ANO3: variants seen among roughly 807,000 people sequenced by gnomAD.
ANO3 encodes the protein anoctamin 3.
In ANO3, 99 loss-of-function variants were observed where a neutral mutation model predicts 144.8. That is an observed-to-expected ratio of 0.68 (90% CI 0.58 to 0.81). The LOEUF (loss-of-function observed/expected upper bound fraction) is 0.81, where lower values mean the gene tolerates loss of function less well. Ranked by LOEUF, ANO3 falls within the 30% of genes least tolerant of loss-of-function variation. The pLI is 0.00. For synonymous variants in ANO3, 414 were observed against 392.6 expected (o/e 1.05, Z -0.64); for missense variants, 905 against 1,202.2 (o/e 0.75, Z 3.66).
At chr11:26,498,415 AT>A (rs1344550572) in intron 4 of ANO3, among the ~76,000 whole-genome samples, 1 of 151,626 alleles carries the variant, frequency 6.6e-6, no homozygotes, top group Non-Finnish European at 1.5e-5. Flanking sequence ...TATAAGTAAG[AT>A]TTTAACACTA....
In ANO3 at chr11:26,653,676, C is replaced by G. The variant is rs76420226; in HGVS notation, c.2577-2449C>G. ...CACCGCCCTCTCACAGTCCCCAGTA[C>G]GTGCCAAGGTCTCTGCTTTTTCTGC... On this transcript the variant is annotated intron_variant, in intron 24 of 26. Coordinates refer to ENST00000256737, the MANE Select transcript of ANO3 (RefSeq NM_031418.4). 2.6e-4 allele frequency among the ~76,000 whole-genome samples: 40 copies of G among 151,974 alleles called. 2 individuals are homozygous for G. The East Asian group carries it at 7.8e-3, about 30-fold the overall frequency.
chr11:26,364,373 T>A (rs545319341), intron 1 of ANO3, among the ~76,000 whole-genome samples: 4 of 152,320 alleles, frequency 2.6e-5, no homozygotes, highest in Non-Finnish European at 5.9e-5. Context: ...TTCTAAAATA[T>A]CATTTCCATT....
chr11:26,653,486 TA>T (rs1853594174), intron 24 of ANO3, among the ~76,000 whole-genome samples: 1 of 152,124 alleles, frequency 6.6e-6, no homozygotes, highest in Middle Eastern at 3.2e-3. Context: ...TGAATAATCT[TA>T]CTTAAAACTT....
intron 1 of ANO3, among the ~76,000 whole-genome samples, chr11:26,327,056 G>A (rs542084016): frequency 4.3e-4 from 66 of 152,242 alleles, no homozygotes; most frequent in Non-Finnish European, 6.5e-4. Context: ...AGACTTGTAC[G>A]TAAATTTCAA....
intron 3 of ANO3, among the ~76,000 whole-genome samples, chr11:26,458,059 G>C (rs1859235253): frequency 6.6e-6 from 1 of 152,032 alleles, no homozygotes; most frequent in Non-Finnish European, 1.5e-5. Flanking sequence ...TTAAAAATAG[G>C]AAATATAATA....
chr11:26,318,259 A>C (rs954848950), intron 1 of ANO3, among the ~76,000 whole-genome samples: 4 of 152,212 alleles, frequency 2.6e-5, no homozygotes, highest in African/African-American at 9.7e-5. Context: ...AAGTATAATT[A>C]AAAATGTATA....
intron 1 of ANO3, among the ~76,000 whole-genome samples, chr11:26,376,602 G>C (rs7128615): frequency 0.39 from 59,278 of 151,396 alleles, 12,011 homozygotes; most frequent in African/African-American, 0.5. Flanking sequence ...ACCCCTACCC[G>C]CTCCAAAAAT....
chr11:26,519,188 C>T lies in ANO3; in HGVS notation c.692+2261C>T, dbSNP rs142425087. On this transcript the variant is annotated intron_variant, in intron 6 of 26. Transcript: ENST00000256737. Reference sequence around the variant, plus strand: ...AGAGGAGGAAGCCCTTAGCAACTATCATAAGCATGTCATTTCAGTACATAT... The same window carrying T: ...AGAGGAGGAAGCCCTTAGCAACTATTATAAGCATGTCATTTCAGTACATAT... Among the ~76,000 whole-genome samples the T allele has an allele frequency of 1.8e-4, 27 of 152,240 alleles. No homozygotes were observed. The East Asian group carries it at 5.2e-3, about 29-fold the overall frequency.
chr11:26,654,653 G>A (rs961958064), intron 24 of ANO3, among the ~76,000 whole-genome samples: 10 of 151,998 alleles, frequency 6.6e-5, no homozygotes, highest in Admixed American at 2.0e-4. Context: ...CAAGGGAAAC[G>A]TTTGTCTTCT....
intron 1 of ANO3, among the ~76,000 whole-genome samples, chr11:26,209,236 C>G (rs1480127305): frequency 6.6e-6 from 1 of 152,160 alleles, no homozygotes; most frequent in Admixed American, 6.5e-5. Context: ...TCAGTGAGAA[C>G]ATGCAGAGTT....
rs530618696 is a variant in ANO3, at chr11:26,339,117, G to T, written c.46+6796G>T. ...AACGCTTAATGAGTGAAAGATCTAG[G>T]GTTTGAACGCAGCCCTCCCTGACTC... is the stretch of plus-strand genomic sequence containing the variant. On this transcript the variant is annotated intron_variant, in intron 1 of 26. Transcript: ENST00000256737. 6.6e-5 allele frequency among the ~76,000 whole-genome samples: 10 copies of T among 151,626 alleles called. No individual in the cohort carries two copies. The South Asian group carries it at 1.9e-3, about 29-fold the overall frequency.
At chr11:26,653,609 G>A (rs148385642) in intron 24 of ANO3, among the ~76,000 whole-genome samples, 2 of 151,972 alleles carry the variant, frequency 1.3e-5, no homozygotes, top group African/African-American at 4.8e-5. Flanking sequence ...CTCTGAGCTC[G>A]TTTTCCGGCA....
At position 26,442,031 on chromosome 11, in the gene ANO3, A is replaced by T. The variant is rs750849093; in HGVS notation, c.160A>T (p.Thr54Ser). Residue 54 changes from threonine (T) to serine (S), a missense_variant, in exon 2 of 27, where the codon ACT becomes TCT. Transcript: ENST00000256737. ...YAYSKSLSQS[T>S]SLFQSTESES... Reference sequence around the variant, plus strand: ...TTACTCAAAGAGCTTGAGCCAGTCTACTTCCCTCTTCCAGTCAACCGAGAG... The same window carrying T: ...TTACTCAAAGAGCTTGAGCCAGTCTTCTTCCCTCTTCCAGTCAACCGAGAG... 2 of 1,614,072 alleles carry T rather than the reference A, an allele frequency of 1.2e-6. No individual in the cohort carries two copies. The highest frequency in any genetic ancestry group is 1.7e-5 in the Admixed American group (1 of 59,992).
At chr11:26,380,696 C>T (rs569202665) in intron 1 of ANO3, among the ~76,000 whole-genome samples, 3 of 152,138 alleles carry the variant, frequency 2.0e-5, no homozygotes, top group Admixed American at 2.0e-4. Context: ...CATAGCAGCA[C>T]ATATTTAATA....
chr11:26,433,315 G>A (rs1057011104), intron 1 of ANO3, among the ~76,000 whole-genome samples: 7 of 152,186 alleles, frequency 4.6e-5, no homozygotes, highest in African/African-American at 9.6e-5. Context: ...AGTTTTCTAC[G>A]TATACAATCA....
At chr11:26,294,834 G>A (rs1045480431) in intron 1 of ANO3, among the ~76,000 whole-genome samples, 2 of 152,166 alleles carry the variant, frequency 1.3e-5, no homozygotes, top group Admixed American at 1.3e-4. Flanking sequence ...GAATGTAGAT[G>A]TCACCAAGTG....
At chr11:26,414,183 G>A (rs1049054502) in intron 1 of ANO3, among the ~76,000 whole-genome samples, 2 of 152,016 alleles carry the variant, frequency 1.3e-5, no homozygotes, top group Admixed American at 6.6e-5. Flanking sequence ...ATGGTGTGGC[G>A]ATTTCTCAAG....
At chr11:26,331,185 G>T (rs1307518589), upstream of ANO3, among the ~76,000 whole-genome samples, 1 of 152,164 alleles carries the variant, frequency 6.6e-6, no homozygotes, top group Non-Finnish European at 1.5e-5. Context: ...GCCTGTTGGA[G>T]GGGGAGGGAG....
intron 1 of ANO3, among the ~76,000 whole-genome samples, chr11:26,378,334 C>T (rs1856471431): frequency 6.8e-6 from 1 of 148,122 alleles, no homozygotes; most frequent in Non-Finnish European, 1.5e-5. Context: ...TCTATATTAA[C>T]TATAGATTAT....
Sources: gnomAD v4.1 joint callset for allele counts (sites outside exome capture counted in the v4.1 genomes callset) on GRCh38, gnomAD v4.1.1 for gene constraint, MANE v1.5 for transcripts, NCBI Gene and HGNC (gene_info 2026-07-23, HGNC 2026-07-21) for gene names.